Variants in KCNIP4 observed in about 807,000 individuals in gnomAD.
The protein encoded by KCNIP4 is potassium voltage-gated channel interacting protein 4, also known as Kv channel-interacting protein 4.
Under a neutral mutation model 34.0 loss-of-function variants are expected in KCNIP4, and 12 were observed. The ratio of observed to expected loss-of-function variants is 0.35; its 90% CI spans 0.23 to 0.57. The LOEUF (loss-of-function observed/expected upper bound fraction) is 0.57, where lower values mean the gene tolerates loss of function less well. Ranked by LOEUF, KCNIP4 falls within the 20% of genes least tolerant of loss-of-function variation. The pLI is 0.83. For missense variants in KCNIP4, 238 were observed against 311.7 expected (o/e 0.76, Z 1.78); for synonymous variants, 124 against 102.2 (o/e 1.21, Z -1.29).
At chr4:21,617,452 T>G (rs759095525) in intron 1 of KCNIP4, among the ~76,000 whole-genome samples, 3 of 152,146 alleles carry the variant, frequency 2.0e-5, no homozygotes, top group Non-Finnish European at 2.9e-5. Flanking sequence ...AGAGGACACG[T>G]TTTCCTTTAA....
intron 3 of KCNIP4, among the ~76,000 whole-genome samples, chr4:20,797,832 G>C (rs929690101): frequency 6.6e-6 from 1 of 152,152 alleles, no homozygotes; most frequent in South Asian, 2.1e-4. Flanking sequence ...GATCTTAGAC[G>C]TGGATTTTCC....
chr4:21,882,240 C>T (rs1726499702), intron 1 of KCNIP4, among the ~76,000 whole-genome samples: 1 of 152,072 alleles, frequency 6.6e-6, no homozygotes, highest in Non-Finnish European at 1.5e-5. Flanking sequence ...ATTCAATGCT[C>T]AACTGACTCA....
intron 1 of KCNIP4, among the ~76,000 whole-genome samples, chr4:21,133,816 C>G (rs1751287021): frequency 6.6e-6 from 1 of 152,106 alleles, no homozygotes; most frequent in Non-Finnish European, 1.5e-5. Flanking sequence ...TTTTTACTCT[C>G]AAGCCACCAA....
At chr4:21,583,662 ATGG>A (rs1478586483) in intron 1 of KCNIP4, among the ~76,000 whole-genome samples, 1 of 152,062 alleles carries the variant, frequency 6.6e-6, no homozygotes, top group Non-Finnish European at 1.5e-5. Context: ...GTAAATTTTC[ATGG>A]TTGAAATACC....
chr4:21,242,892 G>C (rs900265028), intron 1 of KCNIP4, among the ~76,000 whole-genome samples: 4 of 45,150 alleles, frequency 8.9e-5, no homozygotes, highest in Non-Finnish European at 1.6e-4. Flanking sequence ...GTGTGTGTGT[G>C]TGTGTGTGTG....
At position 21,023,628 on chromosome 4, in the gene KCNIP4, G is replaced by A. The variant is rs1451230953; in HGVS notation, c.62-140919C>T. ...AAATCAAACTCACAATGAGGGCCAA[G>A]CACAGTGGCTCATACCTGTGATCCT... On this transcript the variant is annotated intron_variant, in intron 1 of 8. Coordinates refer to ENST00000382152, the MANE Select transcript of KCNIP4 (RefSeq NM_025221.6). 3.3e-5 allele frequency among the ~76,000 whole-genome samples: 5 copies of A among 152,134 alleles called. No homozygotes were observed. In the South Asian group the frequency reaches 1.0e-3, roughly 31 times the overall value.
At chr4:21,625,095 A>G (rs1352782260) in intron 1 of KCNIP4, among the ~76,000 whole-genome samples, 2 of 152,134 alleles carry the variant, frequency 1.3e-5, no homozygotes, top group Non-Finnish European at 2.9e-5. Flanking sequence ...TATTTAAATA[A>G]TTTTTAAATA....
chr4:21,359,422 G>A (rs972296595), intron 1 of KCNIP4, among the ~76,000 whole-genome samples: 3 of 152,026 alleles, frequency 2.0e-5, no homozygotes, highest in African/African-American at 2.4e-5. Flanking sequence ...AAATGATGAT[G>A]TATGATATGT....
intron 1 of KCNIP4, among the ~76,000 whole-genome samples, chr4:21,735,978 G>A (rs1200461729): frequency 6.6e-6 from 1 of 152,132 alleles, no homozygotes; most frequent in East Asian, 1.9e-4. Flanking sequence ...ATGTGACTTG[G>A]TTTTGCAAAG....
intron 1 of KCNIP4, among the ~76,000 whole-genome samples, chr4:21,382,211 GA>G (rs1721572274): frequency 6.6e-6 from 1 of 152,184 alleles, no homozygotes; most frequent in Non-Finnish European, 1.5e-5. Flanking sequence ...GTCATTGAAA[GA>G]GACAGTATGG....
intron 2 of KCNIP4, among the ~76,000 whole-genome samples, chr4:20,877,359 A>T (rs1003998091): frequency 6.6e-6 from 1 of 152,156 alleles, no homozygotes; most frequent in Non-Finnish European, 1.5e-5. Context: ...ACCTTTGCAA[A>T]TTGTCCCTTC....
At chr4:21,876,275 C>G (rs1047828692) in intron 1 of KCNIP4, among the ~76,000 whole-genome samples, 4 of 152,142 alleles carry the variant, frequency 2.6e-5, no homozygotes, top group African/African-American at 9.7e-5. Context: ...ATGATTCTAT[C>G]TATGATTTTA....
chr4:21,027,070 T>C (rs2149757722), intron 1 of KCNIP4, among the ~76,000 whole-genome samples: 1 of 152,344 alleles, frequency 6.6e-6, no homozygotes, highest in East Asian at 1.9e-4. Context: ...TATTGGGGAA[T>C]ATCAACAGTG....
intron 1 of KCNIP4, among the ~76,000 whole-genome samples, chr4:21,268,285 T>C (rs989928413): frequency 1.3e-5 from 2 of 151,914 alleles, no homozygotes; most frequent in Admixed American, 6.6e-5. Flanking sequence ...CATAATAATG[T>C]TTTTATATGA....
At chr4:21,265,278 A>T (rs1462942743) in intron 1 of KCNIP4, among the ~76,000 whole-genome samples, 1 of 152,188 alleles carries the variant, frequency 6.6e-6, no homozygotes, top group African/African-American at 2.4e-5. Context: ...GTGTTTGCAT[A>T]AGAAGTGAGA....
At chr4:20,794,140 A>T (rs1713139496) in intron 3 of KCNIP4, among the ~76,000 whole-genome samples, 1 of 152,076 alleles carries the variant, frequency 6.6e-6, no homozygotes, top group South Asian at 2.1e-4. Flanking sequence ...CCCATGTGGA[A>T]GTGTGAGCCC....
intron 1 of KCNIP4, among the ~76,000 whole-genome samples, chr4:20,979,705 C>T (rs1560618234): frequency 1.3e-5 from 2 of 151,906 alleles, no homozygotes; most frequent in African/African-American, 4.8e-5. Context: ...GCTCTGCTTG[C>T]ACTTTCTTAC....
chr4:21,925,151 G>T (rs1468417900), intron 1 of KCNIP4, among the ~76,000 whole-genome samples: 1 of 151,760 alleles, frequency 6.6e-6, no homozygotes, highest in East Asian at 1.9e-4. Flanking sequence ...TGTTACATAC[G>T]TATACATGTG....
intron 1 of KCNIP4, among the ~76,000 whole-genome samples, chr4:20,940,640 A>G (rs1731543962): frequency 1.3e-5 from 2 of 152,206 alleles, no homozygotes; most frequent in South Asian, 4.1e-4. Flanking sequence ...CTCTTTCTTC[A>G]GAAACTAAAA....
Sources: allele counts gnomAD v4.1 joint callset (sites outside exome capture counted in the v4.1 genomes callset), GRCh38; gene constraint gnomAD v4.1.1; transcripts MANE v1.5; gene names NCBI Gene and HGNC (gene_info 2026-07-23, HGNC 2026-07-21).